The following MGMT variants were observed in gnomAD, a reference collection of about 807,000 sequenced individuals.
MGMT encodes the protein methylated-DNA--protein-cysteine methyltransferase.
In MGMT, 14 loss-of-function variants were observed where a neutral mutation model predicts 15.9. The ratio of observed to expected loss-of-function variants is 0.88; its 90% CI spans 0.58 to 1.37. The LOEUF (loss-of-function observed/expected upper bound fraction) is 1.37, where lower values mean the gene tolerates loss of function less well. Among genes scored for constraint, MGMT ranks in the 40% most tolerant of loss-of-function variants. MGMT has a pLI of 0.00. For synonymous variants in MGMT, 130 were observed against 118.2 expected (o/e 1.10, Z -0.65); for missense variants, 282 against 268.1 (o/e 1.05, Z -0.36).
At chr10:129,508,806 C>G (rs1173424451) in intron 1 of MGMT, among the ~76,000 whole-genome samples, 1 of 152,056 alleles carries the variant, frequency 6.6e-6, no homozygotes, top group African/African-American at 2.4e-5. Flanking sequence ...CTCGGCCTCC[C>G]AAAGTGCTGG....
intron 4 of MGMT, among the ~76,000 whole-genome samples, chr10:129,762,101 T>C (rs1848880541): frequency 2.0e-5 from 3 of 152,184 alleles, no homozygotes; most frequent in Admixed American, 2.0e-4. Flanking sequence ...CTGCTGTCAG[T>C]GTCCTCAGGA....
rs537975470 is a variant in MGMT, at chr10:129,620,734, C to T, written c.125+84357C>T. Among the ~76,000 whole-genome samples, 5 of 151,976 alleles carry T rather than the reference C, an allele frequency of 3.3e-5. No individual in the cohort carries two copies. The East Asian group carries it at 7.7e-4, about 24-fold the overall frequency. On this transcript the variant is annotated intron_variant, in intron 2 of 4. Transcript: ENST00000651593. ...ATATTTATAGTGTGTTTCTTGGAAC[C>T]AGGATATAGTGATCCAGTATGCAAG... is the stretch of plus-strand genomic sequence containing the variant.
At chr10:129,684,494 C>T (rs1349341513) in intron 2 of MGMT, among the ~76,000 whole-genome samples, 1 of 152,212 alleles carries the variant, frequency 6.6e-6, no homozygotes, top group Non-Finnish European at 1.5e-5. Flanking sequence ...CCAAATTGGA[C>T]ACTTCTCAAA....
chr10:129,469,815 T>A (rs1208391315), intron 1 of MGMT, among the ~76,000 whole-genome samples: 5 of 152,158 alleles, frequency 3.3e-5, no homozygotes, highest in Non-Finnish European at 7.3e-5. Flanking sequence ...CAAGCGAACC[T>A]CCTGCTTTGA....
chr10:129,643,550 T>C (rs1043851484), intron 2 of MGMT, among the ~76,000 whole-genome samples: 5 of 152,086 alleles, frequency 3.3e-5, no homozygotes, highest in African/African-American at 1.2e-4. Context: ...TTCTTCAGGC[T>C]CTTTCCAGCG....
chr10:129,575,833 TA>T (rs1240210595), intron 2 of MGMT, among the ~76,000 whole-genome samples: 2 of 151,736 alleles, frequency 1.3e-5, no homozygotes, highest in African/African-American at 2.4e-5. Context: ...ATAGACGCAA[TA>T]AAAAATGACA....
chr10:129,563,584 G>C (rs539854676), intron 2 of MGMT, among the ~76,000 whole-genome samples: 1 of 152,206 alleles, frequency 6.6e-6, no homozygotes, highest in African/African-American at 2.4e-5. Flanking sequence ...CCTGGATGTG[G>C]TGTGAGCATG....
chr10:129,764,702 T>TCGGAGTGATACCCGGGGGTACC (rs1207564270), intron 4 of MGMT, among the ~76,000 whole-genome samples: 1 of 151,906 alleles, frequency 6.6e-6, no homozygotes, highest in Admixed American at 6.6e-5. Flanking sequence ...AAGAGTGGAG[T>TCGGAGTGATACCCGGGGGTACC]CGGAGTGATA....
rs11016840 is a variant in MGMT at position 129,568,847 on chromosome 10, C to G, written c.125+32470C>G. ...GTGCCCGCCATTTCTTCCTGCGCTG[C>G]AACAGCTCTGGCCAGTCCTCTCCTT... On this transcript the variant is annotated intron_variant, in intron 2 of 4. Coordinates refer to ENST00000651593, the MANE Select transcript of MGMT (RefSeq NM_002412.5). Among the ~76,000 whole-genome samples, 520 of 152,266 alleles carry G rather than the reference C, an allele frequency of 3.4e-3. 3 individuals are homozygous for G. The highest frequency in any genetic ancestry group is 0.027 in the Middle Eastern group (8 of 294).
chr10:129,486,525 G>A (rs564186874), intron 1 of MGMT, among the ~76,000 whole-genome samples: 1 of 152,242 alleles, frequency 6.6e-6, no homozygotes, highest in African/African-American at 2.4e-5. Context: ...TGGTCGTTCA[G>A]CTCATACTCA....
intron 2 of MGMT, among the ~76,000 whole-genome samples, chr10:129,656,904 G>A (rs2133102156): frequency 6.6e-6 from 1 of 152,212 alleles, no homozygotes; most frequent in East Asian, 1.9e-4. Context: ...GCTGGGAGGA[G>A]GGTTTTTCCA....
chr10:129,734,930 C>A (rs370568890), intron 3 of MGMT, among the ~76,000 whole-genome samples: 34 of 152,218 alleles, frequency 2.2e-4, no homozygotes, highest in South Asian at 4.2e-4. Context: ...CATGGTGGAT[C>A]AGCTTTTTGA....
intron 2 of MGMT, among the ~76,000 whole-genome samples, chr10:129,634,168 G>C (rs1262419497): frequency 6.6e-6 from 1 of 152,114 alleles, no homozygotes; most frequent in Non-Finnish European, 1.5e-5. Context: ...TACAGATTTT[G>C]CTACACTGCC....
At chr10:129,531,081 G>A (rs1462059604) in intron 1 of MGMT, among the ~76,000 whole-genome samples, 2 of 152,148 alleles carry the variant, frequency 1.3e-5, no homozygotes, top group East Asian at 1.9e-4. Flanking sequence ...TTCATCTTCC[G>A]TGGGCCAGTC....
chr10:129,595,065 C>T (rs1006259167), intron 2 of MGMT, among the ~76,000 whole-genome samples: 2 of 152,218 alleles, frequency 1.3e-5, no homozygotes, highest in Non-Finnish European at 1.5e-5. Flanking sequence ...CTCAGATCTT[C>T]GCCAGGGTCC....
intron 2 of MGMT, among the ~76,000 whole-genome samples, chr10:129,635,149 C>T (rs1160864413): frequency 6.6e-6 from 1 of 152,244 alleles, no homozygotes; most frequent in Non-Finnish European, 1.5e-5. Context: ...CCTGCAAGAG[C>T]AGCGGTTACC....
intron 2 of MGMT, among the ~76,000 whole-genome samples, chr10:129,649,489 T>G (rs1589914823): frequency 6.6e-6 from 1 of 152,192 alleles, no homozygotes; most frequent in African/African-American, 2.4e-5. Context: ...GTCAGTGGTA[T>G]TAGGGCGATG....
intron 2 of MGMT, among the ~76,000 whole-genome samples, chr10:129,598,283 C>G (rs1384080524): frequency 6.6e-6 from 1 of 152,182 alleles, no homozygotes; most frequent in Non-Finnish European, 1.5e-5. Flanking sequence ...AGATTGAACC[C>G]TGCGTGGGCC....
intron 2 of MGMT, among the ~76,000 whole-genome samples, chr10:129,641,875 T>A (rs1279435728): frequency 6.6e-6 from 1 of 152,220 alleles, no homozygotes; most frequent in Non-Finnish European, 1.5e-5. Context: ...GTATCTAATG[T>A]AATGCTGAAA....
Sources: allele counts gnomAD v4.1 joint callset (sites outside exome capture counted in the v4.1 genomes callset), GRCh38; gene constraint gnomAD v4.1.1; transcripts MANE v1.5; gene names NCBI Gene and HGNC (gene_info 2026-07-23, HGNC 2026-07-21).